Variants in PTPRT observed in about 807,000 individuals in gnomAD.
PTPRT encodes receptor-type tyrosine-protein phosphatase T.
In PTPRT, 56 loss-of-function variants were observed where a neutral mutation model predicts 176.8. The ratio of observed to expected loss-of-function variants is 0.32; its 90% CI spans 0.26 to 0.40. The LOEUF (loss-of-function observed/expected upper bound fraction) is 0.40, where lower values mean the gene tolerates loss of function less well. PTPRT is among the 10% of genes least tolerant of loss of function. The pLI, the probability that PTPRT is intolerant of heterozygous loss-of-function variation, is 1.00. For synonymous variants in PTPRT, 783 were observed against 739.0 expected (o/e 1.06, Z -0.96); for missense variants, 1,540 against 1,908.2 (o/e 0.81, Z 3.60).
rs191943399 is a variant in PTPRT, at chr20:42,751,126, C to T, written c.859+5336G>A. Among the ~76,000 whole-genome samples, 498 of 152,224 alleles carry T rather than the reference C, an allele frequency of 3.3e-3. 4 individuals carry two copies. The highest frequency in any genetic ancestry group is 2.9e-3 in the Non-Finnish European group (194 of 68,024). On this transcript the variant is annotated intron_variant, in intron 6 of 30. Coordinates refer to ENST00000373187, the MANE Select transcript of PTPRT (RefSeq NM_007050.6). Reference sequence around the variant, plus strand: ...GCTGTGAGCCAGTCAGCCATGAATACGCCTGTTTGGGGAGAAAGAGAGACC... The same window carrying T: ...GCTGTGAGCCAGTCAGCCATGAATATGCCTGTTTGGGGAGAAAGAGAGACC...
chr20:42,716,159 G>A (rs754509359), intron 6 of PTPRT, among the ~76,000 whole-genome samples: 5 of 152,126 alleles, frequency 3.3e-5, no homozygotes, highest in Non-Finnish European at 7.4e-5. Context: ...AGCTTGAATA[G>A]AGATGCTCTG....
chr20:42,976,962 G>A (rs1982991272), intron 1 of PTPRT, among the ~76,000 whole-genome samples: 1 of 152,176 alleles, frequency 6.6e-6, no homozygotes, highest in South Asian at 2.1e-4. Context: ...GTCAGCTTTT[G>A]AAGAGGTCAT....
At position 42,448,305 on chromosome 20, in the gene PTPRT, G is replaced by A. The variant is rs767453141; in HGVS notation, c.1475C>T (p.Ser492Phe). 2.5e-6 allele frequency: 4 copies of A among 1,613,102 alleles called. No homozygotes were observed. The highest frequency in any genetic ancestry group is 4.5e-5 in the East Asian group (2 of 44,862). Residue 492 changes from serine (S) to phenylalanine (F), a missense_variant, in exon 9 of 31, where the codon TCC (serine) becomes TTC (phenylalanine). Transcript: ENST00000373187. ...CTCCTCAAAGGGCCCCCCTTGGATG[G>A]ATTCTAGAGGAACAGCTCCTGGAAC... ...EDVPGAVPLE[S>F]IQGGPFEEKI...
At chr20:42,991,781 T>G (rs2146108379) in intron 1 of PTPRT, among the ~76,000 whole-genome samples, 1 of 152,292 alleles carries the variant, frequency 6.6e-6, no homozygotes, top group African/African-American at 2.4e-5. Flanking sequence ...ACACATAATA[T>G]AAGCATATCT....
chr20:42,799,316 G>C (rs2077496778), intron 2 of PTPRT, among the ~76,000 whole-genome samples: 1 of 152,006 alleles, frequency 6.6e-6, no homozygotes, highest in South Asian at 2.1e-4. Flanking sequence ...TAAACTACAC[G>C]CAACCCCTAC....
chr20:42,396,840 G>T (rs1274933968), intron 9 of PTPRT, among the ~76,000 whole-genome samples: 1 of 152,188 alleles, frequency 6.6e-6, no homozygotes, highest in Non-Finnish European at 1.5e-5. Context: ...CTATAGGCGT[G>T]AGCCACTGAG....
At chr20:42,146,947 T>C (rs1427676836) in intron 17 of PTPRT, among the ~76,000 whole-genome samples, 5 of 152,184 alleles carry the variant, frequency 3.3e-5, no homozygotes. Flanking sequence ...TCTGACAAAC[T>C]CCTACATGTC....
chr20:42,110,210 C>CTAAG (rs1474210301), intron 23 of PTPRT, 123 bp downstream of exon 23: 7 of 892,374 alleles, frequency 7.8e-6, no homozygotes, highest in Non-Finnish European at 1.1e-5. Flanking sequence ...CCATGACCAG[C>CTAAG]TAAGTTTTTG....
At chr20:43,083,293 A>G (rs1255147785) in intron 1 of PTPRT, among the ~76,000 whole-genome samples, 1 of 130,156 alleles carries the variant, frequency 7.7e-6, no homozygotes, top group Non-Finnish European at 1.7e-5. Context: ...TATAATTTAT[A>G]TACCATAAGA....
At chr20:42,096,553 A>C (rs1033724864) in intron 27 of PTPRT, among the ~76,000 whole-genome samples, 2 of 152,162 alleles carry the variant, frequency 1.3e-5, no homozygotes, top group African/African-American at 4.8e-5. Flanking sequence ...CAGTCAGCCA[A>C]GATCGCACCA....
intron 1 of PTPRT, among the ~76,000 whole-genome samples, chr20:42,956,160 G>C (rs1221146974): frequency 6.6e-6 from 1 of 152,168 alleles, no homozygotes; most frequent in Non-Finnish European, 1.5e-5. Context: ...GTAGTATGGG[G>C]TTTTTCCAAG....
chr20:42,822,387 T>C (rs1031715275), intron 2 of PTPRT, among the ~76,000 whole-genome samples: 1 of 152,106 alleles, frequency 6.6e-6, no homozygotes, highest in African/African-American at 2.4e-5. Flanking sequence ...TTATACCTTA[T>C]AGAAAAATTA....
chr20:42,403,884 A>G (rs1409341957), intron 9 of PTPRT, among the ~76,000 whole-genome samples: 1 of 152,098 alleles, frequency 6.6e-6, no homozygotes, highest in Non-Finnish European at 1.5e-5. Context: ...GTACTTAGAA[A>G]AATACTGGGC....
rs371993395 is a variant in PTPRT at position 42,085,718 on chromosome 20, G to A, written c.3972+10C>T. ...AGGGGCTCAGCAAGCAATGGCGGCC[G>A]TGTACTTACCCGGGCCATGTTACAG... On this transcript the variant is annotated intron_variant, in intron 28 of 30. Coordinates refer to ENST00000373187, the MANE Select transcript of PTPRT (RefSeq NM_007050.6). 8.7e-6 allele frequency: 14 copies of A among 1,613,360 alleles called. No homozygotes were observed. Among genetic ancestry groups the A allele is most frequent in the Admixed American group, 5.0e-5 (3 of 60,010 alleles).
intron 7 of PTPRT, among the ~76,000 whole-genome samples, chr20:42,623,817 C>A (rs1274270466): frequency 6.6e-6 from 1 of 151,622 alleles, no homozygotes; most frequent in Non-Finnish European, 1.5e-5. Context: ...CTTGGCTCTT[C>A]TCTCAGGCTA....
At chr20:43,022,927 T>C (rs1985756126) in intron 1 of PTPRT, among the ~76,000 whole-genome samples, 1 of 152,176 alleles carries the variant, frequency 6.6e-6, no homozygotes, top group Non-Finnish European at 1.5e-5. Flanking sequence ...GGGATGTAAT[T>C]GTAACTCCCA....
intron 1 of PTPRT, among the ~76,000 whole-genome samples, chr20:43,105,147 G>T (rs1003758785): frequency 2.6e-5 from 4 of 152,100 alleles, no homozygotes; most frequent in African/African-American, 7.2e-5. Flanking sequence ...GTTTAGGCTA[G>T]GTCTGTAGTA....
At chr20:42,891,901 C>T (rs1356710704) in intron 1 of PTPRT, among the ~76,000 whole-genome samples, 1 of 152,194 alleles carries the variant, frequency 6.6e-6, no homozygotes, top group African/African-American at 2.4e-5. Flanking sequence ...AAAGACTAGA[C>T]AGTAAATATT....
At chr20:43,181,914 G>C (rs2015268201) in intron 1 of PTPRT, among the ~76,000 whole-genome samples, 1 of 152,178 alleles carries the variant, frequency 6.6e-6, no homozygotes. Flanking sequence ...TAAGAACCTG[G>C]TTTGAAGGAG....
Sources: allele counts gnomAD v4.1 joint callset (sites outside exome capture counted in the v4.1 genomes callset), GRCh38; gene constraint gnomAD v4.1.1; transcripts MANE v1.5; gene names NCBI Gene and HGNC (gene_info 2026-07-23, HGNC 2026-07-21).